FARS2: variants seen among roughly 807,000 people sequenced by gnomAD.
FARS2 encodes phenylalanyl-tRNA synthetase 2, mitochondrial.
Under a neutral mutation model 46.4 loss-of-function variants are expected in FARS2, and 40 were observed. The observed-to-expected ratio is 0.86, with a 90% CI of 0.67 to 1.12. FARS2 has a LOEUF of 1.12. Among genes scored for constraint, FARS2 ranks in the 50% most tolerant of loss-of-function variants. FARS2 has a pLI of 0.00. For synonymous variants in FARS2, 234 were observed against 214.9 expected, an observed-to-expected ratio of 1.09 and a Z score of -0.78; for missense variants, 513 against 567.9, an observed-to-expected ratio of 0.90 and a Z score of 0.98.
At chr6:5,684,968 G>C (rs1312787611) in intron 6 of FARS2, among the ~76,000 whole-genome samples, 1 of 152,128 alleles carries the variant, frequency 6.6e-6, no homozygotes, top group Non-Finnish European at 1.5e-5. Context: ...AGTGGAGCCG[G>C]AGAGCAATTT....
At chr6:5,626,723 A>G (rs1776051113) in intron 6 of FARS2, among the ~76,000 whole-genome samples, 1 of 152,220 alleles carries the variant, frequency 6.6e-6, no homozygotes, top group South Asian at 2.1e-4. Context: ...TGAGGACAAA[A>G]TCAACAAAAT....
At chr6:5,454,928 T>C (rs2791458) in intron 4 of FARS2, among the ~76,000 whole-genome samples, 132,987 of 152,130 alleles carry the variant, frequency 0.87, 58,281 homozygotes, top group East Asian at 0.96. Flanking sequence ...CTGCATGTCT[T>C]GTTCACAGCA....
At chr6:5,761,135 T>C (rs1012608746) in intron 6 of FARS2, among the ~76,000 whole-genome samples, 19 of 152,214 alleles carry the variant, frequency 1.2e-4, no homozygotes, top group African/African-American at 4.1e-4. Flanking sequence ...ACTTGTGCTT[T>C]AACATCTAGA....
At chr6:5,416,974 T>C (rs1040237591) in intron 3 of FARS2, among the ~76,000 whole-genome samples, 1 of 152,198 alleles carries the variant, frequency 6.6e-6, no homozygotes, top group African/African-American at 2.4e-5. Flanking sequence ...TTGCTTTGAA[T>C]AGTTGATCAG....
chr6:5,297,605 G>A (rs1248767827), intron 1 of FARS2, among the ~76,000 whole-genome samples: 4 of 152,010 alleles, frequency 2.6e-5, no homozygotes, highest in Non-Finnish European at 2.9e-5. Flanking sequence ...CCAAGATCGT[G>A]CCATTGCACT....
intron 6 of FARS2, among the ~76,000 whole-genome samples, chr6:5,733,234 G>A (rs908250810): frequency 6.6e-6 from 1 of 152,144 alleles, no homozygotes; most frequent in Admixed American, 6.5e-5. Context: ...ACATGGGGAG[G>A]AAATCACAGT....
At position 5,545,217 on chromosome 6, in the gene FARS2, A is replaced by G. The variant is rs761550368; in HGVS notation, c.942A>G (p.Leu314=). 5 of 1,613,892 alleles carry G rather than the reference A, an allele frequency of 3.1e-6. No individual in the cohort carries two copies. Among genetic ancestry groups the G allele is most frequent in the Non-Finnish European group, 4.2e-6 (5 of 1,179,894 alleles). Residue 314 remains leucine (L), a synonymous_variant, in exon 5 of 7, where the codon CTA becomes CTG. Transcript: ENST00000274680. ...ACCGAATCGGCTGGGCTTTTGGCCT[A>G]GGATTAGAAAGGCTAGCCATGATCC... ...AQDRIGWAFG[L]GLERLAMILY... is the part of the protein sequence containing the mutation.
At chr6:5,504,433 C>A (rs1259189082) in intron 4 of FARS2, among the ~76,000 whole-genome samples, 2 of 87,464 alleles carry the variant, frequency 2.3e-5, no homozygotes. Flanking sequence ...TTTATGCTTT[C>A]CAGTAAAAAA....
upstream of FARS2, chr6:5,260,819 C>A (rs1765045151): frequency 6.6e-7 from 1 of 1,526,050 alleles, no homozygotes; most frequent in South Asian, 1.2e-5. Flanking sequence ...TGTGCGGAAA[C>A]CACGAACGAA....
At chr6:5,307,124 A>G (rs919907081) in intron 1 of FARS2, among the ~76,000 whole-genome samples, 19 of 152,268 alleles carry the variant, frequency 1.2e-4, no homozygotes, top group Non-Finnish European at 1.9e-4. Context: ...TTGTTATTAT[A>G]TATTTTTCCT....
intron 5 of FARS2, among the ~76,000 whole-genome samples, chr6:5,610,498 A>T (rs953374179): frequency 3.3e-5 from 5 of 152,134 alleles, no homozygotes; most frequent in African/African-American, 1.2e-4. Context: ...TATAACAGCT[A>T]CTTACATAAC....
chr6:5,514,411 T>A (rs371250389), intron 4 of FARS2, among the ~76,000 whole-genome samples: 3 of 152,348 alleles, frequency 2.0e-5, no homozygotes, highest in East Asian at 3.9e-4. Flanking sequence ...TAATTGCATT[T>A]ATTATTTAGA....
At chr6:5,303,589 G>A (rs1265603509) in intron 1 of FARS2, among the ~76,000 whole-genome samples, 3 of 151,896 alleles carry the variant, frequency 2.0e-5, no homozygotes, top group East Asian at 3.9e-4. Context: ...ATGTGTTTGC[G>A]GCCACGCTGG....
intron 4 of FARS2, among the ~76,000 whole-genome samples, chr6:5,439,195 C>T (rs551050053): frequency 6.6e-6 from 1 of 152,292 alleles, no homozygotes; most frequent in Non-Finnish European, 1.5e-5. Context: ...GTTTTCTCAG[C>T]CTTTTCTGTG....
At chr6:5,703,264 C>T (rs1028092903) in intron 6 of FARS2, among the ~76,000 whole-genome samples, 2 of 152,146 alleles carry the variant, frequency 1.3e-5, no homozygotes, top group African/African-American at 4.8e-5. Flanking sequence ...GAACCAAGCA[C>T]AATCCACGCT....
chr6:5,273,703 T>C (rs546808027), intron 1 of FARS2, among the ~76,000 whole-genome samples: 1 of 152,340 alleles, frequency 6.6e-6, no homozygotes, highest in South Asian at 2.1e-4. Context: ...TCTTTTTGCT[T>C]TGGTGGCCTG....
chr6:5,718,028 C>G (rs1015794362), intron 6 of FARS2, among the ~76,000 whole-genome samples: 13 of 151,466 alleles, frequency 8.6e-5, no homozygotes, highest in South Asian at 8.4e-4. Context: ...GATTCTCAAA[C>G]CTCAGCCTCC....
chr6:5,405,138 G>C (rs1310259757), intron 3 of FARS2, among the ~76,000 whole-genome samples: 1 of 152,020 alleles, frequency 6.6e-6, no homozygotes, highest in Non-Finnish European at 1.5e-5. Context: ...TTGGGGATGG[G>C]AGCCAAGTCT....
At chr6:5,637,054 T>A (rs1380627184) in intron 6 of FARS2, among the ~76,000 whole-genome samples, 5 of 152,190 alleles carry the variant, frequency 3.3e-5, no homozygotes, top group Non-Finnish European at 5.9e-5. Context: ...TGAAGGGGGC[T>A]TTAGGCAAGA....
Sources: allele counts gnomAD v4.1 joint callset (sites outside exome capture counted in the v4.1 genomes callset), GRCh38; gene constraint gnomAD v4.1.1; transcripts MANE v1.5; gene names NCBI Gene and HGNC (gene_info 2026-07-23, HGNC 2026-07-21).